Variants in TLK1 observed in about 807,000 individuals in gnomAD.
The protein encoded by TLK1 is tousled like kinase 1.
In TLK1, 24 loss-of-function variants were observed where a neutral mutation model predicts 105.3. That is an observed-to-expected ratio of 0.23 (90% CI 0.17 to 0.32). TLK1 has a LOEUF of 0.32. Ranked by LOEUF, TLK1 falls within the 10% of genes least tolerant of loss-of-function variation. The pLI, the probability that TLK1 is intolerant of heterozygous loss-of-function variation, is 1.00. For missense variants in TLK1, 558 were observed against 910.5 expected, an observed-to-expected ratio of 0.61 and a Z score of 4.98; for synonymous variants, 321 against 310.4, an observed-to-expected ratio of 1.03 and a Z score of -0.36.
chr2:171,048,787 T>C (rs1006282492), intron 10 of TLK1, among the ~76,000 whole-genome samples: 14 of 152,228 alleles, frequency 9.2e-5, no homozygotes, highest in African/African-American at 3.1e-4. Context: ...GTTGGTGTGA[T>C]ACCATGTGAA....
intron 1 of TLK1, among the ~76,000 whole-genome samples, chr2:171,221,574 C>T (rs892064896): frequency 1.3e-5 from 2 of 152,142 alleles, no homozygotes; most frequent in African/African-American, 4.8e-5. Context: ...TCTAGTCTTC[C>T]CTTCCTCTTC....
chr2:171,110,422 T>G (rs984754467), intron 2 of TLK1, among the ~76,000 whole-genome samples: 2 of 152,226 alleles, frequency 1.3e-5, no homozygotes, highest in Admixed American at 1.3e-4. Context: ...TGAGCCAAGG[T>G]TGTGCCACTG....
At chr2:171,129,816 T>A (rs1276476309) in intron 1 of TLK1, among the ~76,000 whole-genome samples, 1 of 140,646 alleles carries the variant, frequency 7.1e-6, no homozygotes, top group Admixed American at 7.3e-5. Context: ...GCCTGGGATA[T>A]AGATAGGTTA....
At chr2:171,187,918 T>C (rs755943303) in intron 1 of TLK1, among the ~76,000 whole-genome samples, 15 of 152,198 alleles carry the variant, frequency 9.9e-5, no homozygotes, top group Non-Finnish European at 2.1e-4. Context: ...CAGAGTGGTA[T>C]ATTCTACAAT....
At chr2:170,994,767 A>T in intron 20 of TLK1, 1 of 490,412 alleles carries the variant, frequency 2.0e-6, no homozygotes, top group Non-Finnish European at 4.1e-6. Flanking sequence ...TGATTGTTTG[A>T]ATTTTATATA....
intron 1 of TLK1, among the ~76,000 whole-genome samples, chr2:171,226,265 C>A (rs953651131): frequency 2.0e-5 from 3 of 152,138 alleles, no homozygotes; most frequent in African/African-American, 7.2e-5. Flanking sequence ...TACAAATAGA[C>A]ATTTTAATAT....
intron 1 of TLK1, among the ~76,000 whole-genome samples, chr2:171,120,011 C>T (rs995579092): frequency 1.3e-5 from 2 of 152,066 alleles, no homozygotes; most frequent in East Asian, 3.8e-4. Context: ...CTTTGGGAGG[C>T]CAAGGCCGGC....
chr2:171,059,577 AT>A (rs996546333), intron 4 of TLK1, among the ~76,000 whole-genome samples: 4 of 151,814 alleles, frequency 2.6e-5, no homozygotes, highest in African/African-American at 9.7e-5. Context: ...AGATGGCCTG[AT>A]TTTTTTTAAG....
intron 2 of TLK1, among the ~76,000 whole-genome samples, chr2:171,095,822 T>C (rs1375575105): frequency 2.6e-5 from 4 of 152,158 alleles, no homozygotes; most frequent in Non-Finnish European, 2.9e-5. Context: ...TCAACATCCT[T>C]TTGTGATTAA....
chr2:171,036,467 AC>A (rs1299296483), intron 11 of TLK1, among the ~76,000 whole-genome samples: 1 of 152,236 alleles, frequency 6.6e-6, no homozygotes, highest in Admixed American at 6.5e-5. Context: ...AGAAAGGATA[AC>A]CTAGAGGACA....
At chr2:171,174,674 A>G (rs888379850) in intron 1 of TLK1, among the ~76,000 whole-genome samples, 1 of 152,148 alleles carries the variant, frequency 6.6e-6, no homozygotes, top group South Asian at 2.1e-4. Flanking sequence ...ATTCATTTCT[A>G]TATCCTTAGC....
rs1370356898 is a variant in TLK1 at position 171,160,632 on chromosome 2, G to C, written c.-204C>G. ...AGGTGAGGGAAGGAGAGGGGACAGGGAGGAGGGAAAGGGGGAGAAGCGAGG... is the reference window on the plus strand; with the variant it reads ...AGGTGAGGGAAGGAGAGGGGACAGGCAGGAGGGAAAGGGGGAGAAGCGAGG... On this transcript the variant is annotated 5_prime_UTR_variant, in exon 1 of 21. Coordinates refer to ENST00000431350, the MANE Select transcript of TLK1 (RefSeq NM_012290.5). The surrounding 1 kb of genome is among the most constrained non-coding windows in gnomAD (Gnocchi z 4.4). The C allele has an allele frequency of 1.6e-5, 12 of 754,784 alleles. No homozygotes were observed. The highest frequency in any genetic ancestry group is 2.4e-5 in the Non-Finnish European group (12 of 499,758). 46.8% of individuals were successfully genotyped at this position (754,784 alleles called of 1,614,324 possible). A position where few individuals can be genotyped will look rare whatever the true frequency, so the allele number is the denominator to read the frequency against.
intron 1 of TLK1, among the ~76,000 whole-genome samples, chr2:171,196,037 C>CAAAAAAAAA (rs71013021): frequency 1.8e-5 from 2 of 111,946 alleles, no homozygotes; most frequent in African/African-American, 6.8e-5. Context: ...GACTCTGTAT[C>CAAAAAAAAA]AAAAAAAAAA....
At chr2:171,167,069 C>T (rs1692622712) in intron 1 of TLK1, among the ~76,000 whole-genome samples, 1 of 152,130 alleles carries the variant, frequency 6.6e-6, no homozygotes, top group Non-Finnish European at 1.5e-5. Flanking sequence ...AGAGTGGTTA[C>T]CTCCTTCAAG....
chr2:171,115,604 A>G (rs1038827775), intron 2 of TLK1, among the ~76,000 whole-genome samples: 2 of 152,230 alleles, frequency 1.3e-5, no homozygotes, highest in African/African-American at 4.8e-5. Context: ...TGACAGAGGA[A>G]TACATCTTAC....
intron 2 of TLK1, 98 bp downstream of exon 2, chr2:171,117,641 T>G: frequency 1.1e-6 from 1 of 917,394 alleles, no homozygotes; most frequent in Non-Finnish European, 1.7e-6. Context: ...AAAAGTTACA[T>G]TTGCTGTTAA....
chr2:171,227,339 A>G (rs1312585829), intron 1 of TLK1, among the ~76,000 whole-genome samples: 2 of 152,172 alleles, frequency 1.3e-5, no homozygotes, highest in Non-Finnish European at 2.9e-5. Context: ...TGAAACTATT[A>G]AGAAAGAGAT....
chr2:171,009,293 T>G lies in TLK1; in HGVS notation c.1416+2080A>C, dbSNP rs938937710. On this transcript the variant is annotated intron_variant, in intron 14 of 20. Transcript: ENST00000431350. ...TGCAACAGTCAGGATTTCTTTTCCT[T>G]TTTTTTTTTTTTTTTTTTTTTTTTT... Among the ~76,000 whole-genome samples, 3 of 10,894 alleles carry G rather than the reference T, an allele frequency of 2.8e-4. No individual in the cohort carries two copies. In the Non-Finnish European group the frequency reaches 4.3e-3, roughly 16 times the overall value. The allele number at this position is 10,894 out of a possible 152,430, so 7.1% of individuals were successfully genotyped here.
chr2:171,163,366 A>G (rs781648485), upstream of TLK1, among the ~76,000 whole-genome samples: 1 of 152,138 alleles, frequency 6.6e-6, no homozygotes, highest in Non-Finnish European at 1.5e-5. Flanking sequence ...CGATTTTTAT[A>G]CCTAAATACA....
Sources: allele counts gnomAD v4.1 joint callset (sites outside exome capture counted in the v4.1 genomes callset), GRCh38; gene constraint gnomAD v4.1.1; non-coding constraint Gnocchi (gnomAD v3.1); transcripts MANE v1.5; gene names NCBI Gene and HGNC (gene_info 2026-07-23, HGNC 2026-07-21).